The following PHLDB1 variants were observed in gnomAD, a reference collection of about 807,000 sequenced individuals.
PHLDB1 encodes the protein pleckstrin homology like domain family B member 1.
In PHLDB1, 65 loss-of-function variants were observed where a neutral mutation model predicts 139.3. The observed-to-expected ratio is 0.47, with a 90% CI of 0.38 to 0.57. The LOEUF is 0.57. Ranked by LOEUF, PHLDB1 falls within the 20% of genes least tolerant of loss-of-function variation. PHLDB1 has a pLI of 0.00. For missense variants in PHLDB1, 1,624 were observed against 1,839.7 expected, an observed-to-expected ratio of 0.88 and a Z score of 2.14; for synonymous variants, 679 against 734.5, an observed-to-expected ratio of 0.92 and a Z score of 1.22.
intron 4 of PHLDB1, among the ~76,000 whole-genome samples, chr11:118,619,814 T>A (rs1320055477): frequency 6.6e-6 from 1 of 152,230 alleles, no homozygotes; most frequent in African/African-American, 2.4e-5. Context: ...TAGTGGGCTG[T>A]TTAGCAAGAA....
chr11:118,617,817 A>T (rs1381316189), intron 4 of PHLDB1, among the ~76,000 whole-genome samples: 4 of 152,196 alleles, frequency 2.6e-5, no homozygotes, highest in African/African-American at 9.6e-5. Flanking sequence ...CTATGATGGC[A>T]GTGGGTTCCT....
At chr11:118,613,283 T>C in intron 1 of PHLDB1, 17 of 985,158 alleles carry the variant, frequency 1.7e-5, no homozygotes, top group Non-Finnish European at 2.0e-5. Context: ...TTCTTTTGTG[T>C]CTCCTTTAAG....
At chr11:118,630,165 C>T in intron 6 of PHLDB1, 4 of 847,138 alleles carry the variant, frequency 4.7e-6, no homozygotes, top group South Asian at 4.2e-5. Context: ...TGATGAGAGA[C>T]ACTTGAGGAG....
Position 118,656,824 on chromosome 11 carries a change from C to T in PHLDB1, c.*1C>T. On this transcript the variant is annotated 3_prime_UTR_variant, in exon 23 of 23. Coordinates refer to ENST00000600882, the MANE Select transcript of PHLDB1 (RefSeq NM_001144758.3). ...GGGCTACACTCAGTTCATGAACTAA[C>T]TGCCGTGGGCCTCCTGGCAGAGCAC... 4 of 1,608,784 alleles carry T rather than the reference C, an allele frequency of 2.5e-6. No individual in the cohort carries two copies. The highest frequency in any genetic ancestry group is 2.2e-5 in the East Asian group (1 of 44,736).
chr11:118,614,833 C>T, intron 3 of PHLDB1, 151 bp downstream of exon 3: 2 of 674,548 alleles, frequency 3.0e-6, no homozygotes, highest in Admixed American at 2.8e-5. Flanking sequence ...TTGTCTCTGC[C>T]TCCCCAGACT....
chr11:118,619,413 C>CT (rs1273242238), intron 4 of PHLDB1, among the ~76,000 whole-genome samples: 9 of 152,198 alleles, frequency 5.9e-5, no homozygotes, highest in Non-Finnish European at 1.2e-4. Flanking sequence ...CATTCAGCCT[C>CT]TTTTTTTTCC....
At chr11:118,644,661 G>T (rs557716189) in intron 15 of PHLDB1, 2 of 1,289,416 alleles carry the variant, frequency 1.6e-6, no homozygotes, top group Non-Finnish European at 2.0e-6. Flanking sequence ...GTCGCTTCCC[G>T]CCGAGCCCCT....
In PHLDB1 at chr11:118,616,215, A is replaced by C. The variant is rs1555089416; in HGVS notation, c.355+4A>C. On this transcript the variant is annotated splice_donor_region_variant and intron_variant, in intron 4 of 22. Coordinates refer to ENST00000600882, the MANE Select transcript of PHLDB1 (RefSeq NM_001144758.3). ...CAGCCTACCCGGCTCACTCAGGGTA[A>C]GGCTGGACACCTCCAGATGGAGGGG... 2 of 1,613,268 alleles carry C rather than the reference A, an allele frequency of 1.2e-6. No individual in the cohort carries two copies. The highest frequency in any genetic ancestry group is 2.7e-5 in the African/African-American group (2 of 74,920).
Position 118,650,530 on chromosome 11 carries a change from C to G in PHLDB1, c.3857C>G (p.Thr1286Ser), listed in dbSNP as rs144510616. ...RWFVFDRLKR[T>S]LSYYVDKHET... ...TTTGTCTTCGACCGGCTCAAGCGCA[C>G]CCTTTCCTATTATGTGGGTGAGTTC... The change falls in exon 20 of 23, where the codon ACC becomes AGC. Residue 1286 changes from threonine (T) to serine (S), a missense_variant. Transcript: ENST00000600882. This position sits in a 1 kb window ranked among gnomAD's most constrained non-coding sequence, Gnocchi z 4.7. 1.9e-6 allele frequency: 3 copies of G among 1,613,288 alleles called. No homozygotes were observed. Among genetic ancestry groups the G allele is most frequent in the Non-Finnish European group, 2.5e-6 (3 of 1,179,236 alleles).
intron 12 of PHLDB1, 112 bp from the exon 13 acceptor site, chr11:118,642,142 T>C: frequency 2.0e-6 from 2 of 1,016,138 alleles, no homozygotes; most frequent in Non-Finnish European, 3.1e-6. Context: ...TCCTTCTTCC[T>C]CTTCTTTCTT....
At chr11:118,617,401 TC>T (rs1941861789) in intron 4 of PHLDB1, among the ~76,000 whole-genome samples, 1 of 152,168 alleles carries the variant, frequency 6.6e-6, no homozygotes, top group African/African-American at 2.4e-5. Context: ...CCTTCTCTCC[TC>T]TTCATCCTCC....
intron 17 of PHLDB1, chr11:118,646,834 C>A (rs182618578): frequency 6.6e-6 from 1 of 152,308 alleles, no homozygotes; most frequent in African/African-American, 2.4e-5. Context: ...AAAACAGATA[C>A]TGACAGTCTG....
intron 12 of PHLDB1, 94 bp from the exon 13 acceptor site, chr11:118,642,160 C>T (rs1555121613): frequency 8.6e-7 from 1 of 1,163,236 alleles, no homozygotes. Flanking sequence ...CTTCTTTCTC[C>T]CTTCTCCTGC....
intron 2 of PHLDB1, among the ~76,000 whole-genome samples, chr11:118,614,135 T>A (rs1443321693): frequency 6.6e-6 from 1 of 152,050 alleles, no homozygotes; most frequent in Admixed American, 6.6e-5. Context: ...GCTGTATCAC[T>A]CTCCTTGATC....
At chr11:118,656,532 G>A in intron 22 of PHLDB1, 151 bp from the exon 23 acceptor site, 1 of 625,720 alleles carries the variant, frequency 1.6e-6, no homozygotes, top group Non-Finnish European at 2.8e-6. Context: ...GGCTCACATG[G>A]ACTGGTAGGG....
In PHLDB1 at chr11:118,616,689, C is replaced by G. The variant is rs139786001; in HGVS notation, c.355+478C>G. Among the ~76,000 whole-genome samples the G allele has an allele frequency of 4.4e-3, 664 of 152,350 alleles. 9 individuals are homozygous for G. The highest frequency in any genetic ancestry group is 0.015 in the African/African-American group (630 of 41,590). On this transcript the variant is annotated intron_variant, in intron 4 of 22. Coordinates refer to ENST00000600882, the MANE Select transcript of PHLDB1 (RefSeq NM_001144758.3). ...CCTGTTACAAGACTGCTGACAGTAACTTTTGGGTCACGAATATAACCCAAA... is the reference window on the plus strand; with the variant it reads ...CCTGTTACAAGACTGCTGACAGTAAGTTTTGGGTCACGAATATAACCCAAA...
chr11:118,646,185 G>A (rs80015904), intron 17 of PHLDB1: 36,919 of 189,034 alleles, frequency 0.2, 4,178 homozygotes, highest in South Asian at 0.34. Context: ...GCGTGAACCC[G>A]GGAGGCGGAG....
chr11:118,614,796 C>T, intron 3 of PHLDB1, 114 bp downstream of exon 3: 2 of 1,008,016 alleles, frequency 2.0e-6, no homozygotes, highest in East Asian at 2.7e-5. Flanking sequence ...CTGGTGCTCG[C>T]CTCCCCACAC....
chr11:118,654,495 T>A (rs1948750869), intron 20 of PHLDB1: 1 of 152,230 alleles, frequency 6.6e-6, no homozygotes, highest in East Asian at 1.9e-4. Flanking sequence ...TAACTAATTT[T>A]ATAAATCTCT....
Sources: gnomAD v4.1 joint callset for allele counts (sites outside exome capture counted in the v4.1 genomes callset) on GRCh38, gnomAD v4.1.1 for gene constraint, Gnocchi (gnomAD v3.1) non-coding constraint, MANE v1.5 for transcripts, NCBI Gene and HGNC (gene_info 2026-07-23, HGNC 2026-07-21) for gene names.